The following SPINK5 variants were observed in gnomAD, a reference collection of about 807,000 sequenced individuals.
SPINK5 encodes the protein serine protease inhibitor Kazal-type 5.
Under a neutral mutation model 151.8 loss-of-function variants are expected in SPINK5, and 125 were observed. The ratio of observed to expected loss-of-function variants is 0.82; its 90% confidence interval spans 0.71 to 0.96. SPINK5 has a LOEUF of 0.96. Among genes scored for constraint, SPINK5 ranks in the 40% least tolerant of loss-of-function variants. The pLI is 0.00. For synonymous variants in SPINK5, 374 were observed against 395.3 expected (o/e 0.95, Z 0.64); for missense variants, 1,194 against 1,291.9 (o/e 0.92, Z 1.16).
rs144115075 is a variant in SPINK5, at chr5:148,094,623, T to C, written c.794+142T>C. ...GTTTTATGCCCTCCACAAATCATAA[T>C]GCCACCTAGTGAGCAGGCACTACTG... On this transcript the variant is annotated intron_variant, in intron 9 of 32. Coordinates refer to ENST00000256084, the MANE Select transcript of SPINK5 (RefSeq NM_006846.4). 841 of 1,299,502 alleles carry C rather than the reference T, an allele frequency of 6.5e-4. 7 individuals are homozygous for C. The African/African-American group carries it at 0.01, about 16-fold the overall frequency. The allele number at this position is 1,299,502 out of a possible 1,614,324, so 80.5% of individuals were successfully genotyped here. A position where few individuals can be genotyped will look rare whatever the true frequency, so the allele number is the denominator to read the frequency against.
At position 148,129,514 on chromosome 5, in the gene SPINK5, TGAAG is replaced by T. The variant is rs143056397; in HGVS notation, c.2965-1744_2965-1741del. Among the ~76,000 whole-genome samples the T allele has an allele frequency of 2.9e-4, 9 of 30,816 alleles. No homozygotes were observed. In the South Asian group the frequency reaches 7.5e-3, roughly 26 times the overall value. 20.2% of individuals were successfully genotyped at this position (30,816 alleles called of 152,430 possible). A position where few individuals can be genotyped will look rare whatever the true frequency, so the allele number is the denominator to read the frequency against. On this transcript the variant is annotated intron_variant, in intron 30 of 32. Coordinates refer to ENST00000256084, the MANE Select transcript of SPINK5 (RefSeq NM_006846.4). ...GAGTTGATGTACTATGTTAAAAAAA[TGAAG>T]AGAGAGAGAGAGTAAGGAACATTGT...
At chr5:148,124,045 C>T in intron 27 of SPINK5, 85 bp downstream of exon 27, 1 of 1,456,184 alleles carries the variant, frequency 6.9e-7, no homozygotes, top group South Asian at 1.2e-5. Context: ...ACCTAAGATA[C>T]TTGGCATCAC....
In SPINK5 at chr5:148,125,056, T is replaced by A. The variant is rs2052535; in HGVS notation, c.2739+219T>A. On this transcript the variant is annotated intron_variant, in intron 28 of 32. Transcript: ENST00000256084. The stretch of plus-strand genomic sequence containing the variant: ...AGAAAATTCTCTGAGAGTGTGTGTC[T>A]ATTATTGTTTTAGTCTTTCCTCCTT... The A allele has an allele frequency of 0.58, 338,337 of 579,074 alleles. 101,503 individuals are homozygous for A. Among genetic ancestry groups the A allele is most frequent in the Admixed American group, 0.66 (16,192 of 24,480 alleles). The allele number at this position is 579,074 out of a possible 1,614,324, so 35.9% of individuals were successfully genotyped here. A position where few individuals can be genotyped will look rare whatever the true frequency, so the allele number is the denominator to read the frequency against.
intron 2 of SPINK5, among the ~76,000 whole-genome samples, chr5:148,068,626 A>G (rs989096779): frequency 6.6e-6 from 1 of 151,608 alleles, no homozygotes; most frequent in Admixed American, 6.6e-5. Context: ...CACCAGATAT[A>G]GATATAGGAG....
chr5:148,106,270 A>G (rs1321767020), intron 16 of SPINK5, among the ~76,000 whole-genome samples: 2 of 152,002 alleles, frequency 1.3e-5, no homozygotes, highest in Admixed American at 6.6e-5. Flanking sequence ...TAGTTTCTCC[A>G]GGGATCAGAC....
chr5:148,128,979 G>A (rs997534381), intron 30 of SPINK5, among the ~76,000 whole-genome samples: 1 of 152,084 alleles, frequency 6.6e-6, no homozygotes, highest in Admixed American at 6.5e-5. Flanking sequence ...GAAAAAAATG[G>A]TACAGTAAAT....
intron 8 of SPINK5, among the ~76,000 whole-genome samples, chr5:148,092,286 T>G (rs558319270): frequency 6.6e-6 from 1 of 152,048 alleles, no homozygotes; most frequent in East Asian, 1.9e-4. Flanking sequence ...GCTCTCAACC[T>G]AAATAGGGTA....
chr5:148,124,517 T>C (rs1490763198), intron 27 of SPINK5, among the ~76,000 whole-genome samples: 5 of 152,214 alleles, frequency 3.3e-5, no homozygotes, highest in African/African-American at 7.2e-5. Context: ...TTTAGGATCA[T>C]ATTTTTCTGG....
In SPINK5 at chr5:148,088,587, G is replaced by A. The variant is rs777350307; in HGVS notation, c.456G>A (p.Lys152=). 232 of 1,611,556 alleles carry A rather than the reference G, an allele frequency of 1.4e-4. No individual in the cohort carries two copies. Among genetic ancestry groups the A allele is most frequent in the Non-Finnish European group, 1.9e-4 (219 of 1,178,526 alleles). ...QIGVKSEGEC[K]SSNPEQDVCS... ...GTGTAAAAAGTGAAGGGGAATGTAA[G>A]AGCAGTAATCCAGAGCAGGTGAGGT... The change falls in exon 6 of 33, where the codon AAG becomes AAA. Residue 152 remains lysine, a synonymous_variant. Coordinates refer to ENST00000256084, the MANE Select transcript of SPINK5 (RefSeq NM_006846.4).
At chr5:148,096,024 CT>C in intron 10 of SPINK5, 119 bp downstream of exon 10, 7 of 797,600 alleles carry the variant, frequency 8.8e-6, no homozygotes, top group Non-Finnish European at 1.2e-5. Flanking sequence ...TTCCACACTA[CT>C]AGTAGGTTTG....
chr5:148,089,421 A>G (rs2113067449), intron 6 of SPINK5, 73 bp from the exon 7 acceptor site: 1 of 1,606,234 alleles, frequency 6.2e-7, no homozygotes, highest in South Asian at 1.1e-5. Context: ...ACTGAGTTCA[A>G]TAAAATTTCT....
At chr5:148,097,842 C>T in intron 10 of SPINK5, 25 bp from the exon 11 acceptor site, 1 of 1,590,660 alleles carries the variant, frequency 6.3e-7, no homozygotes, top group Non-Finnish European at 8.6e-7. Flanking sequence ...AACTATATCT[C>T]AACTTTTTCT....
chr5:148,074,787 T>C (rs1186985319), intron 4 of SPINK5, among the ~76,000 whole-genome samples: 2 of 151,780 alleles, frequency 1.3e-5, no homozygotes, highest in African/African-American at 4.8e-5. Context: ...TAGAATAGTT[T>C]ATGAATAAGT....
In SPINK5 at chr5:148,101,817, G is replaced by T. The variant is rs765752936; in HGVS notation, c.1339G>T (p.Gly447Ter). 12 of 1,613,720 alleles carry T rather than the reference G, an allele frequency of 7.4e-6. No homozygotes were observed. The highest frequency in any genetic ancestry group is 1.0e-5 in the Non-Finnish European group (12 of 1,179,764). ...CSEYRKSRKNGRLFCTRENDP... is the reference protein window; with the variant it reads ...CSEYRKSRKN The stretch of plus-strand genomic sequence containing the variant: ...TGAATACCGCAAATCCAGGAAAAAC[G>T]GACGGCTTTTTTGCACCAGAGAGAA... Residue 447 changes from glycine (G) to a stop codon, truncating the protein, a stop_gained, in exon 15 of 33, where the codon GGA becomes TGA. Transcript: ENST00000256084. LOFTEE classifies it high-confidence loss of function.
intron 29 of SPINK5, among the ~76,000 whole-genome samples, 160 bp downstream of exon 29, chr5:148,126,010 A>C (rs1363361756): frequency 1.3e-5 from 2 of 152,226 alleles, no homozygotes; most frequent in Admixed American, 6.5e-5. Context: ...TATAGTAGAA[A>C]GAACACTGAG....
chr5:148,103,185 A>C (rs1352049690), intron 15 of SPINK5, among the ~76,000 whole-genome samples: 5 of 152,158 alleles, frequency 3.3e-5, no homozygotes, highest in Non-Finnish European at 5.9e-5. Flanking sequence ...ACGTTTGTTG[A>C]ACGCATATAA....
intron 26 of SPINK5, among the ~76,000 whole-genome samples, chr5:148,122,400 G>A (rs997370401): frequency 2.4e-4 from 37 of 152,198 alleles, no homozygotes; most frequent in Middle Eastern, 3.4e-3. Context: ...GTTTGTTTAC[G>A]GACATCACAA....
intron 21 of SPINK5, among the ~76,000 whole-genome samples, 164 bp downstream of exon 21, chr5:148,114,653 T>TCA (rs1754038828): frequency 6.6e-6 from 1 of 152,220 alleles, no homozygotes; most frequent in Non-Finnish European, 1.5e-5. Context: ...TGGCCAAGAT[T>TCA]CACAGTTCTA....
chr5:148,114,259 A>C, intron 20 of SPINK5, 103 bp from the exon 21 acceptor site: 2 of 1,342,860 alleles, frequency 1.5e-6, no homozygotes, highest in Non-Finnish European at 2.0e-6. Context: ...TTCTCAGGTC[A>C]TTTTCTCTCT....
Sources: allele counts gnomAD v4.1 joint callset (sites outside exome capture counted in the v4.1 genomes callset), GRCh38; gene constraint gnomAD v4.1.1; transcripts MANE v1.5; gene names NCBI Gene and HGNC (gene_info 2026-07-23, HGNC 2026-07-21).